GNPAT: variants seen among roughly 807,000 people sequenced by gnomAD.
GNPAT encodes the protein glyceronephosphate O-acyltransferase.
A neutral mutation model predicts 78.4 loss-of-function variants in GNPAT; 30 were observed. That is an observed-to-expected ratio of 0.38 (90% CI 0.29 to 0.52). The LOEUF (loss-of-function observed/expected upper bound fraction) is 0.52, where lower values mean the gene tolerates loss of function less well. Among genes scored for constraint, GNPAT ranks in the 20% least tolerant of loss-of-function variants. GNPAT has a pLI of 0.84. For synonymous variants in GNPAT, 271 were observed against 281.1 expected, an observed-to-expected ratio of 0.96 and a Z score of 0.36; for missense variants, 714 against 812.2, an observed-to-expected ratio of 0.88 and a Z score of 1.47.
chr1:231,258,525 T>C (rs2102810730), intron 2 of GNPAT, among the ~76,000 whole-genome samples: 1 of 152,186 alleles, frequency 6.6e-6, no homozygotes, highest in East Asian at 1.9e-4. Context: ...ACTTCTTCTA[T>C]TTGGTCTATA....
At chr1:231,266,940 C>G (rs1039462307) in intron 8 of GNPAT, among the ~76,000 whole-genome samples, 1 of 152,194 alleles carries the variant, frequency 6.6e-6, no homozygotes, top group Non-Finnish European at 1.5e-5. Flanking sequence ...GGAGACAAAC[C>G]ATCTGCCCCT....
intron 3 of GNPAT, among the ~76,000 whole-genome samples, chr1:231,262,046 A>G (rs759769519): frequency 5.3e-5 from 8 of 152,214 alleles, no homozygotes; most frequent in Non-Finnish European, 8.8e-5. Context: ...AGATTTCAAA[A>G]AAACAGATAA....
chr1:231,242,537 T>G (rs1425044134), intron 1 of GNPAT, among the ~76,000 whole-genome samples: 3 of 152,230 alleles, frequency 2.0e-5, no homozygotes, highest in African/African-American at 7.2e-5. Flanking sequence ...TAAGCCTTAT[T>G]ATTTAGATAT....
intron 15 of GNPAT, among the ~76,000 whole-genome samples, chr1:231,276,712 G>C (rs1319157138): frequency 2.0e-5 from 3 of 152,306 alleles, no homozygotes; most frequent in African/African-American, 7.2e-5. Context: ...GAGTCCTTGA[G>C]TGTTGTCTTC....
intron 7 of GNPAT, 47 bp downstream of exon 7, chr1:231,266,212 C>T: frequency 6.2e-7 from 1 of 1,611,842 alleles, no homozygotes; most frequent in Non-Finnish European, 8.5e-7. Flanking sequence ...TGCTGACTGA[C>T]ACATCAACTA....
intron 2 of GNPAT, among the ~76,000 whole-genome samples, chr1:231,253,770 C>G (rs1003323397): frequency 2.6e-5 from 4 of 152,208 alleles, no homozygotes; most frequent in African/African-American, 9.7e-5. Flanking sequence ...TCCATGAAGG[C>G]AAGAATTCCT....
intron 9 of GNPAT, among the ~76,000 whole-genome samples, chr1:231,268,491 C>A (rs1432450191): frequency 6.6e-6 from 1 of 151,552 alleles, no homozygotes; most frequent in African/African-American, 2.4e-5. Context: ...GTCATGAATC[C>A]TAGCCAGGCA....
At chr1:231,269,895 C>T (rs1472784787) in intron 9 of GNPAT, 1 of 152,168 alleles carries the variant, frequency 6.6e-6, no homozygotes, top group Non-Finnish European at 1.5e-5. Flanking sequence ...GTTCATATCT[C>T]AAGCTTTTTA....
intron 14 of GNPAT, 91 bp from the exon 15 acceptor site, chr1:231,276,044 T>C (rs1374432038): frequency 2.9e-6 from 2 of 701,472 alleles, no homozygotes; most frequent in Admixed American, 2.2e-5. Context: ...AATTGAAAAG[T>C]AGTCTTACAA....
chr1:231,251,696 G>A (rs1684903296), intron 2 of GNPAT, among the ~76,000 whole-genome samples: 1 of 152,204 alleles, frequency 6.6e-6, no homozygotes, highest in Non-Finnish European at 1.5e-5. Flanking sequence ...CCAAAGTATA[G>A]CAAAGTTTGG....
intron 4 of GNPAT, 74 bp from the exon 5 acceptor site, chr1:231,265,219 A>C: frequency 9.4e-7 from 1 of 1,069,348 alleles, no homozygotes; most frequent in African/African-American, 1.6e-5. Flanking sequence ...TAAATGAAAA[A>C]TAAGCATGTT....
intron 12 of GNPAT, among the ~76,000 whole-genome samples, chr1:231,274,610 C>A (rs934498725): frequency 1.3e-5 from 2 of 152,146 alleles, no homozygotes; most frequent in Admixed American, 6.6e-5. Context: ...GAGAAAGAGT[C>A]TGAAACATAA....
In GNPAT at chr1:231,277,696, A is replaced by G; in HGVS notation, c.*154A>G. 1 of 650,138 alleles carries G rather than the reference A, an allele frequency of 1.5e-6. No homozygotes were observed. The highest frequency in any genetic ancestry group is 1.7e-5 in the South Asian group (1 of 58,058). 40.3% of individuals were successfully genotyped at this position (650,138 alleles called of 1,614,324 possible). ...CGCAGAGGGAAGAGATGATCATTGG[A>G]AGCAATCAGTTTACTCTTCCCCACC... On this transcript the variant is annotated 3_prime_UTR_variant, in exon 16 of 16. Transcript: ENST00000366647.
intron 11 of GNPAT, among the ~76,000 whole-genome samples, chr1:231,273,554 A>T (rs752281001): frequency 6.6e-5 from 10 of 152,124 alleles, no homozygotes; most frequent in Non-Finnish European, 1.2e-4. Flanking sequence ...CCCAGCCAGA[A>T]ATTTTTTAAC....
At position 231,248,580 on chromosome 1, in the gene GNPAT, A is replaced by C. The variant is rs146552613; in HGVS notation, c.79-2381A>C. Reference sequence around the variant, plus strand: ...CCCGTCTCTATTGAAAAAAAAAAAAACTTAAATGTAAAAATCCTCATGTAA... The same window carrying C: ...CCCGTCTCTATTGAAAAAAAAAAAACCTTAAATGTAAAAATCCTCATGTAA... On this transcript the variant is annotated intron_variant, in intron 1 of 15. Coordinates refer to ENST00000366647, the MANE Select transcript of GNPAT (RefSeq NM_014236.4). 3.9e-3 allele frequency among the ~76,000 whole-genome samples: 586 copies of C among 151,812 alleles called. 4 individuals are homozygous for C. Among genetic ancestry groups the C allele is most frequent in the African/African-American group, 0.014 (568 of 41,240 alleles).
At chr1:231,253,315 T>C (rs1684952314) in intron 2 of GNPAT, among the ~76,000 whole-genome samples, 1 of 152,164 alleles carries the variant, frequency 6.6e-6, no homozygotes, top group Non-Finnish European at 1.5e-5. Context: ...TCTTTAGGAG[T>C]ATTGCCCCAG....
chr1:231,265,290 T>A lies in GNPAT; in HGVS notation c.569-3T>A. 6.2e-7 allele frequency: 1 copy of A among 1,608,392 alleles called. No individual in the cohort carries two copies. The highest frequency in any genetic ancestry group is 8.5e-7 in the Non-Finnish European group (1 of 1,174,724). Reference sequence around the variant, plus strand: ...CAAATAAATATTATCCCCTCTTTTTTAGACTTCCTGGGAATGAAAATGGTT... The same window carrying A: ...CAAATAAATATTATCCCCTCTTTTTAAGACTTCCTGGGAATGAAAATGGTT... On this transcript the variant is annotated splice_region_variant and splice_polypyrimidine_tract_variant and intron_variant, in intron 4 of 15. Transcript: ENST00000366647.
intron 9 of GNPAT, among the ~76,000 whole-genome samples, chr1:231,269,206 A>G (rs951140493): frequency 1.3e-5 from 2 of 151,740 alleles, no homozygotes; most frequent in East Asian, 3.9e-4. Context: ...CTGCAGAGGA[A>G]AGGGACCATA....
chr1:231,244,115 GCCAGGC>G, intron 1 of GNPAT, among the ~76,000 whole-genome samples: 1 of 152,176 alleles, frequency 6.6e-6, no homozygotes, highest in East Asian at 1.9e-4. Flanking sequence ...CACCATGTCG[GCCAGGC>G]TGGTGTCGAA....
Sources: allele counts gnomAD v4.1 joint callset (sites outside exome capture counted in the v4.1 genomes callset), GRCh38; gene constraint gnomAD v4.1.1; transcripts MANE v1.5; gene names NCBI Gene and HGNC (gene_info 2026-07-23, HGNC 2026-07-21).